PLEC: variants seen among roughly 807,000 people sequenced by gnomAD.
PLEC encodes hemidesmosomal protein 1.
A neutral mutation model predicts 392.8 loss-of-function variants in PLEC; 216 were observed. The observed-to-expected ratio is 0.55, with a 90% CI of 0.49 to 0.62. The LOEUF (loss-of-function observed/expected upper bound fraction) is 0.62, where lower values mean the gene tolerates loss of function less well. Among genes scored for constraint, PLEC ranks in the 20% least tolerant of loss-of-function variants. The pLI is 0.00. For synonymous variants in PLEC, 3,621 were observed against 2,980.6 expected (o/e 1.21, Z -7.00); for missense variants, 6,863 against 6,563.4 (o/e 1.05, Z -1.58).
upstream of PLEC, among the ~76,000 whole-genome samples, chr8:143,955,074 G>GT (rs1832516518): frequency 6.6e-6 from 1 of 152,146 alleles, no homozygotes. Flanking sequence ...GGAGTCTCTC[G>GT]TCCCCCTGCC....
chr8:143,925,806 G>A lies in PLEC; in HGVS notation c.4123C>T (p.Leu1375=). ...TTTGCCTGGGCGTGCGCCTCGGCCA[G>A]CTGCCGCTGCTTCTCCAGCGCGGCC... ...VEAALEKQRQ[L]AEAHAQAKAQ... Residue 1375 remains leucine, a synonymous_variant, in exon 31 of 32, where the codon CTG becomes TTG. Transcript: ENST00000345136. 6.4e-7 allele frequency: 1 copy of A among 1,568,334 alleles called. No homozygotes were observed. Among genetic ancestry groups the A allele is most frequent in the Middle Eastern group, 1.8e-4 (1 of 5,570 alleles).
intron 3 of PLEC, chr8:143,937,889 G>A (rs1433933764): frequency 1.9e-5 from 12 of 635,496 alleles, no homozygotes; most frequent in East Asian, 1.2e-4. Flanking sequence ...ACTGTGTCCC[G>A]ACGCGGAGGG....
chr8:143,971,055 C>T (rs192060114), intron 1 of PLEC, among the ~76,000 whole-genome samples: 7 of 152,302 alleles, frequency 4.6e-5, no homozygotes, highest in South Asian at 2.1e-4. Context: ...ATGTTCCAAG[C>T]GGAGCAGTGG....
Position 143,925,233 on chromosome 8 carries a change from C to T in PLEC, c.4696G>A (p.Ala1566Thr), listed in dbSNP as rs1554701406. ...EVERARQVQV[A>T]LETAQRSAEA... Reference sequence around the variant, plus strand: ...GCACTGCGCTGCGCCGTCTCCAGGGCCACCTGTACCTGCCGCGCTCGCTCC... The same window carrying T: ...GCACTGCGCTGCGCCGTCTCCAGGGTCACCTGTACCTGCCGCGCTCGCTCC... Residue 1566 changes from alanine to threonine, a missense_variant, in exon 31 of 32, where the codon GCC becomes ACC. Transcript: ENST00000345136. 6.3e-7 allele frequency: 1 copy of T among 1,589,598 alleles called. No individual in the cohort carries two copies. Among genetic ancestry groups the T allele is most frequent in the East Asian group, 2.2e-5 (1 of 44,454 alleles).
upstream of PLEC, among the ~76,000 whole-genome samples, chr8:143,951,915 T>A (rs1832192169): frequency 6.8e-6 from 1 of 146,056 alleles, no homozygotes. Flanking sequence ...GGTCCAGGCA[T>A]GAGAACCGCA....
At chr8:143,936,333 C>A (rs1180085043) in intron 5 of PLEC, among the ~76,000 whole-genome samples, 1 of 152,218 alleles carries the variant, frequency 6.6e-6, no homozygotes, top group African/African-American at 2.4e-5. Context: ...CTGCACCCTG[C>A]ACCTCCCGGA....
chr8:143,935,541 G>A (rs1258529655), intron 6 of PLEC, among the ~76,000 whole-genome samples: 5 of 152,190 alleles, frequency 3.3e-5, no homozygotes, highest in Non-Finnish European at 4.4e-5. Context: ...GAGGGTGCCA[G>A]GCAGCTGGGG....
rs375106164 is a variant in PLEC, at chr8:143,923,419, A to G, written c.6510T>C (p.His2170=). 6.0e-5 allele frequency: 97 copies of G among 1,609,732 alleles called. No individual in the cohort carries two copies. In the Middle Eastern group the frequency reaches 1.3e-3, roughly 22 times the overall value. ...KQAADAEMEK[H]KKFAEQTLRQ... is the part of the protein sequence containing the mutation. ...GCAGCGTCTGCTCGGCGAATTTCTTATGCTTCTCCATCTCCGCGTCAGCTG... is the reference window on the plus strand; with the variant it reads ...GCAGCGTCTGCTCGGCGAATTTCTTGTGCTTCTCCATCTCCGCGTCAGCTG... The change falls in exon 31 of 32, where the codon CAT becomes CAC. Residue 2170 remains histidine, a synonymous_variant. Transcript: ENST00000345136.
rs1554744915 is a variant in PLEC, at chr8:143,973,381, G to T, written c.70+22C>A. 6.4e-7 allele frequency: 1 copy of T among 1,559,068 alleles called. No individual in the cohort carries two copies. The highest frequency in any genetic ancestry group is 1.9e-5 in the Admixed American group (1 of 53,722). On this transcript the variant is annotated intron_variant, in intron 1 of 31. Transcript: ENST00000356346. This position sits in a 1 kb window ranked among gnomAD's most constrained non-coding sequence, Gnocchi z 5.6. ...TGGGCTGTCAGGAGCGGCCCGACAG[G>T]CAGCGGGACGGGGGGCCGTACCTTT...
chr8:143,939,490 C>T lies in PLEC; in HGVS notation c.-29G>A. 1 of 1,596,920 alleles carries T rather than the reference C, an allele frequency of 6.3e-7. No individual in the cohort carries two copies. The highest frequency in any genetic ancestry group is 1.1e-5 in the South Asian group (1 of 88,704). On this transcript the variant is annotated 5_prime_UTR_variant, in exon 1 of 32. Transcript: ENST00000345136. ...GCCCCCACACCTTCGTCGCCCGGAC[C>T]CTCGGCCTCAGGCACGGTGCTCTGG...
chr8:143,945,249 G>T, intron 1 of PLEC: 1 of 480,176 alleles, frequency 2.1e-6, no homozygotes, highest in Non-Finnish European at 4.2e-6. Flanking sequence ...CAGGGCTCAG[G>T]CCTGCGCCTG....
chr8:143,973,917 C>A (rs1554745248), upstream of PLEC, among the ~76,000 whole-genome samples: 1 of 152,052 alleles, frequency 6.6e-6, no homozygotes. This position sits in a 1 kb window ranked among gnomAD's most constrained non-coding sequence, Gnocchi z 5.6. Flanking sequence ...ACGACTGAGT[C>A]GGTATAAAGA....
intron 5 of PLEC, among the ~76,000 whole-genome samples, chr8:143,936,739 C>G (rs1829150776): frequency 6.6e-6 from 1 of 152,168 alleles, no homozygotes; most frequent in South Asian, 2.1e-4. Context: ...CTGGGCCCTG[C>G]CCAGCCAGGG....
intron 1 of PLEC, among the ~76,000 whole-genome samples, chr8:143,972,928 G>A (rs554475545): frequency 1.1e-3 from 165 of 152,332 alleles, no homozygotes; most frequent in African/African-American, 3.8e-3. Flanking sequence ...TGGGGGGGGT[G>A]CCCTGCCAAG....
intron 1 of PLEC, among the ~76,000 whole-genome samples, chr8:143,944,926 G>A (rs150514787): frequency 2.0e-5 from 3 of 152,130 alleles, no homozygotes; most frequent in African/African-American, 4.8e-5. Flanking sequence ...CCCAGGCCCC[G>A]CTGCAGTCAG....
chr8:143,928,220 G>A (rs933058270), intron 25 of PLEC, among the ~76,000 whole-genome samples: 10 of 152,256 alleles, frequency 6.6e-5, no homozygotes, highest in Non-Finnish European at 1.2e-4. Context: ...AGCCTGGAGA[G>A]GGGGTGCGCC....
chr8:143,976,179 C>G (rs1254782462), upstream of PLEC, among the ~76,000 whole-genome samples: 1 of 152,216 alleles, frequency 6.6e-6, no homozygotes, highest in East Asian at 1.9e-4. Context: ...GCTCCAGCGG[C>G]CCACAGTGGG....
intron 1 of PLEC, among the ~76,000 whole-genome samples, chr8:143,947,415 T>A (rs1431611333): frequency 6.6e-6 from 1 of 152,180 alleles, no homozygotes; most frequent in African/African-American, 2.4e-5. Flanking sequence ...CACACAATCC[T>A]CGGTTCCTTC....
chr8:143,915,964 G>A lies in PLEC; in HGVS notation c.*213C>T, dbSNP rs1319191847. The stretch of plus-strand genomic sequence containing the variant: ...GTAGAAGGGAGTGAGGAGACCCGAG[G>A]GGGTGAGGCGGCCAGCAGGGCTGGG... On this transcript the variant is annotated 3_prime_UTR_variant, in exon 32 of 32. Coordinates refer to ENST00000345136, the MANE Select transcript of PLEC (RefSeq NM_201384.3). 4.5e-6 allele frequency: 2 copies of A among 443,494 alleles called. No individual in the cohort carries two copies. The highest frequency in any genetic ancestry group is 2.1e-5 in the African/African-American group (1 of 46,966). The allele number at this position is 443,494 out of a possible 1,614,324, so 27.5% of individuals were successfully genotyped here. A position where few individuals can be genotyped will look rare whatever the true frequency, so the allele number is the denominator to read the frequency against.
Sources: allele counts gnomAD v4.1 joint callset (sites outside exome capture counted in the v4.1 genomes callset), GRCh38; gene constraint gnomAD v4.1.1; non-coding constraint Gnocchi (gnomAD v3.1); transcripts MANE v1.5; gene names NCBI Gene and HGNC (gene_info 2026-07-23, HGNC 2026-07-21).